Variants in DPP6 observed in about 807,000 individuals in gnomAD.
DPP6 encodes A-type potassium channel modulatory protein DPP6.
Under a neutral mutation model 122.6 loss-of-function variants are expected in DPP6, and 69 were observed. That is an observed-to-expected ratio of 0.56 (90% CI 0.46 to 0.69). DPP6 has a LOEUF of 0.69. DPP6 is among the 30% of genes least tolerant of loss of function. DPP6 has a pLI of 0.00. For synonymous variants in DPP6, 418 were observed against 433.1 expected (o/e 0.97, Z 0.43); for missense variants, 928 against 1,116.9 (o/e 0.83, Z 2.41).
chr7:154,413,424 G>C (rs895910240), intron 1 of DPP6, among the ~76,000 whole-genome samples: 1 of 152,216 alleles, frequency 6.6e-6, no homozygotes, highest in Admixed American at 6.5e-5. Context: ...CATGCAAAGA[G>C]AGTATGGTGG....
At chr7:154,395,804 G>A (rs1403051371) in intron 1 of DPP6, among the ~76,000 whole-genome samples, 2 of 151,922 alleles carry the variant, frequency 1.3e-5, no homozygotes, top group Non-Finnish European at 2.9e-5. Context: ...CAAATAAGTG[G>A]TAAAAGTTGG....
chr7:154,497,933 AT>A (rs752827060), intron 3 of DPP6, among the ~76,000 whole-genome samples: 9 of 152,136 alleles, frequency 5.9e-5, no homozygotes, highest in Non-Finnish European at 1.2e-4. Flanking sequence ...CTACCAGGCC[AT>A]GCAAGGTCTT....
At chr7:154,399,448 C>G (rs1815376001) in intron 1 of DPP6, among the ~76,000 whole-genome samples, 2 of 152,138 alleles carry the variant, frequency 1.3e-5, no homozygotes, top group South Asian at 4.1e-4. Flanking sequence ...TGAAGATAAT[C>G]TTACCTACAC....
chr7:154,589,443 T>C (rs1190645898), intron 5 of DPP6, among the ~76,000 whole-genome samples: 1 of 152,234 alleles, frequency 6.6e-6, no homozygotes, highest in Admixed American at 6.5e-5. Context: ...CTTCATCAGC[T>C]AATTTAAGTC....
At chr7:154,503,736 CTG>C (rs1018244909) in intron 3 of DPP6, among the ~76,000 whole-genome samples, 72 of 152,222 alleles carry the variant, frequency 4.7e-4, no homozygotes, top group African/African-American at 1.7e-3. Flanking sequence ...GGTAAGGAAA[CTG>C]AGGCTTACAG....
chr7:154,391,166 A>G (rs1411419482), intron 1 of DPP6, among the ~76,000 whole-genome samples: 2 of 152,184 alleles, frequency 1.3e-5, no homozygotes, highest in Non-Finnish European at 2.9e-5. Context: ...TGATTCATAC[A>G]CAGTGCCACG....
At chr7:153,794,483 A>G in the DPP6 span, among the ~76,000 whole-genome samples, 281 of 152,292 alleles carry the variant, frequency 1.8e-3, 1 homozygote, top group African/African-American at 6.5e-3. Flanking sequence ...TGATACCTCC[A>G]TTGTATCTAG....
chr7:154,022,384 C>G (rs1375618640), intron 1 of DPP6, among the ~76,000 whole-genome samples: 2 of 151,832 alleles, frequency 1.3e-5, no homozygotes, highest in East Asian at 1.9e-4. Context: ...GGGACACTTG[C>G]ATTTGCCTTT....
intron 7 of DPP6, among the ~76,000 whole-genome samples, chr7:154,681,992 G>T (rs970723217): frequency 6.6e-6 from 1 of 152,182 alleles, no homozygotes; most frequent in African/African-American, 2.4e-5. Context: ...GCAGAGTGTA[G>T]GTTCTCAACA....
intron 1 of DPP6, among the ~76,000 whole-genome samples, chr7:154,399,821 C>T (rs1452055303): frequency 6.6e-6 from 1 of 152,150 alleles, no homozygotes; most frequent in African/African-American, 2.4e-5. Flanking sequence ...GAAAGGATAT[C>T]ATTTCTATTC....
chr7:154,294,624 C>A (rs1299724007), intron 1 of DPP6, among the ~76,000 whole-genome samples: 3 of 152,296 alleles, frequency 2.0e-5, no homozygotes, highest in East Asian at 3.9e-4. Flanking sequence ...GCATGAAAAT[C>A]TTTCCTGACT....
rs183359093 is a variant in DPP6, at chr7:154,042,313, A to G, written c.51+154579A>G. 9.9e-3 allele frequency among the ~76,000 whole-genome samples: 1,508 copies of G among 152,314 alleles called. 30 individuals are homozygous for G. The highest frequency in any genetic ancestry group is 0.034 in the African/African-American group (1,428 of 41,564). On this transcript the variant is annotated intron_variant, in intron 1 of 25. Transcript: ENST00000404039. The stretch of plus-strand genomic sequence containing the variant: ...GGCAGGTAAATAAGTGAGAAGGGAT[A>G]TGGGTGCAGCACGGGGGCAACCAAT...
intron 5 of DPP6, among the ~76,000 whole-genome samples, chr7:154,621,998 C>T (rs1275098725): frequency 6.6e-6 from 1 of 152,168 alleles, no homozygotes; most frequent in South Asian, 2.1e-4. Flanking sequence ...ATATATTTCC[C>T]CCAATGATTG....
At chr7:153,822,359 T>G in the DPP6 span, among the ~76,000 whole-genome samples, 19 of 152,000 alleles carry the variant, frequency 1.3e-4, no homozygotes, top group South Asian at 2.9e-3. Context: ...CCAGCTAATT[T>G]TTTGTATTTT....
chr7:154,104,985 G>C (rs1194282970), intron 1 of DPP6, among the ~76,000 whole-genome samples: 1 of 152,222 alleles, frequency 6.6e-6, no homozygotes. Flanking sequence ...GTTTGAGGCT[G>C]GGAGTGGTGG....
At position 154,483,717 on chromosome 7, in the gene DPP6, C is replaced by T. The variant is rs950571793; in HGVS notation, c.457+8680C>T. On this transcript the variant is annotated intron_variant, in intron 3 of 25. Transcript: ENST00000377770. This position sits in a 1 kb window ranked among gnomAD's most constrained non-coding sequence, Gnocchi z 8.1. ...GTTTTGTTTTGCTTTGCTTTTGAGA[C>T]GGAGTCTCGCTCTGTCGCCCAGGCT... 3.9e-5 allele frequency among the ~76,000 whole-genome samples: 6 copies of T among 152,246 alleles called. No individual in the cohort carries two copies. The highest frequency in any genetic ancestry group is 6.5e-5 in the Admixed American group (1 of 15,290).
chr7:154,231,471 G>T (rs1800913787), intron 1 of DPP6, among the ~76,000 whole-genome samples: 1 of 152,168 alleles, frequency 6.6e-6, no homozygotes, highest in Non-Finnish European at 1.5e-5. Context: ...CGATGTAAGT[G>T]TCAGGATAAC....
rs747634801 is a variant in DPP6 at position 154,772,823 on chromosome 7, T to A, written c.1039-22T>A. 8.1e-6 allele frequency: 13 copies of A among 1,607,332 alleles called. No individual in the cohort carries two copies. In the East Asian group the frequency reaches 2.9e-4, roughly 36 times the overall value. On this transcript the variant is annotated intron_variant, in intron 9 of 25. Transcript: ENST00000377770. ...TTGTATAAGGCTGCTTGTTCATGTC[T>A]CTGCCCCTTTTTAATCCCCAGGCTG...
chr7:153,897,546 T>G (rs1799463339), intron 1 of DPP6, among the ~76,000 whole-genome samples: 1 of 152,184 alleles, frequency 6.6e-6, no homozygotes, highest in Admixed American at 6.5e-5. Context: ...ACTACAAAAA[T>G]TTTCTTATCC....
Sources: allele counts gnomAD v4.1 joint callset (sites outside exome capture counted in the v4.1 genomes callset), GRCh38; gene constraint gnomAD v4.1.1; non-coding constraint Gnocchi (gnomAD v3.1); transcripts MANE v1.5; gene names NCBI Gene and HGNC (gene_info 2026-07-23, HGNC 2026-07-21).